The following PDE8B variants were observed in gnomAD, a reference collection of about 807,000 sequenced individuals.
PDE8B encodes the protein phosphodiesterase 8B.
A neutral mutation model predicts 101.3 loss-of-function variants in PDE8B; 26 were observed. The observed-to-expected ratio is 0.26, with a 90% CI of 0.19 to 0.36. The LOEUF (loss-of-function observed/expected upper bound fraction) is 0.36. Among genes scored for constraint, PDE8B ranks in the 10% least tolerant of loss-of-function variants. The pLI is 1.00. For missense variants in PDE8B, 810 were observed against 1,163.1 expected, an observed-to-expected ratio of 0.70 and a Z score of 4.42; for synonymous variants, 424 against 429.3, an observed-to-expected ratio of 0.99 and a Z score of 0.15.
intron 7 of PDE8B, among the ~76,000 whole-genome samples, chr5:77,345,794 T>A (rs1402923756): frequency 2.0e-5 from 3 of 152,138 alleles, no homozygotes; most frequent in Non-Finnish European, 2.9e-5. Flanking sequence ...CAGAGTGGCA[T>A]GGAGTGTGAG....
At chr5:77,198,347 C>G in the PDE8B span, among the ~76,000 whole-genome samples, 1 of 152,116 alleles carries the variant, frequency 6.6e-6, no homozygotes, top group Non-Finnish European at 1.5e-5. Flanking sequence ...CACTCTGTTT[C>G]TGGTCTAAGG....
intron 10 of PDE8B, among the ~76,000 whole-genome samples, chr5:77,359,185 G>A (rs922533823): frequency 6.6e-6 from 1 of 152,196 alleles, no homozygotes; most frequent in Non-Finnish European, 1.5e-5. Flanking sequence ...GTAGGATTCT[G>A]TGTTTGAGAA....
chr5:77,267,478 C>A (rs531724051), intron 1 of PDE8B, among the ~76,000 whole-genome samples: 1 of 150,232 alleles, frequency 6.7e-6, no homozygotes, highest in South Asian at 2.1e-4. Flanking sequence ...TTGCATTGCA[C>A]AATGGGTTGA....
chr5:77,259,792 C>T (rs1475156482), intron 1 of PDE8B, among the ~76,000 whole-genome samples: 1 of 152,212 alleles, frequency 6.6e-6, no homozygotes, highest in Admixed American at 6.5e-5. Context: ...AGATGAGTCT[C>T]TATAGTGTGG....
the PDE8B span, among the ~76,000 whole-genome samples, chr5:77,142,644 A>G: frequency 1.3e-5 from 2 of 152,160 alleles, no homozygotes; most frequent in Non-Finnish European, 2.9e-5. Flanking sequence ...TCTGTGATTC[A>G]GAAAGGGGGA....
chr5:77,098,031 A>G, the PDE8B span, among the ~76,000 whole-genome samples: 1 of 140,900 alleles, frequency 7.1e-6, no homozygotes, highest in African/African-American at 2.4e-5. Context: ...CCTAAATGCA[A>G]TGGCTAAGAC....
chr5:77,340,846 A>G (rs1301749547), intron 6 of PDE8B, among the ~76,000 whole-genome samples: 1 of 152,072 alleles, frequency 6.6e-6, no homozygotes, highest in African/African-American at 2.4e-5. Context: ...TATATTATTT[A>G]TAGACTTTAT....
rs750678563 is a variant in PDE8B at position 77,413,141 on chromosome 5, C to T, written c.1743C>T (p.Phe581=). 144 of 1,613,976 alleles carry T rather than the reference C, an allele frequency of 8.9e-5. No homozygotes were observed. The highest frequency in any genetic ancestry group is 1.2e-4 in the Non-Finnish European group (141 of 1,179,994). ...RPLVYLGLKV[F]SRFGVCEFLN... is the part of the protein sequence containing the mutation. ...TGGTTTATCTGGGCTTAAAGGTCTTCTCTCGGTTTGGAGTATGTGAATTTT... is the reference window on the plus strand; with the variant it reads ...TGGTTTATCTGGGCTTAAAGGTCTTTTCTCGGTTTGGAGTATGTGAATTTT... The change falls in exon 17 of 22, where the codon TTC becomes TTT. Residue 581 remains phenylalanine (F), a synonymous_variant. Transcript: ENST00000264917.
intron 1 of PDE8B, chr5:77,291,375 G>A (rs1767302938): frequency 1.2e-6 from 2 of 1,611,970 alleles, no homozygotes; most frequent in African/African-American, 2.7e-5. Context: ...AGTGGTCTAT[G>A]GGGGCAAGGT....
intron 20 of PDE8B, among the ~76,000 whole-genome samples, chr5:77,423,411 AT>A (rs1270577552): frequency 6.6e-6 from 1 of 152,006 alleles, no homozygotes; most frequent in East Asian, 1.9e-4. Context: ...AGCAATTTCT[AT>A]TTTTAGTTCT....
At chr5:77,223,599 G>A (rs1027134228) in intron 1 of PDE8B, among the ~76,000 whole-genome samples, 2 of 152,006 alleles carry the variant, frequency 1.3e-5, no homozygotes, top group African/African-American at 4.8e-5. Flanking sequence ...AACTTGACAA[G>A]CATAGCACAG....
At chr5:77,403,165 C>T (rs985574682) in intron 11 of PDE8B, among the ~76,000 whole-genome samples, 4 of 152,142 alleles carry the variant, frequency 2.6e-5, no homozygotes, top group Non-Finnish European at 5.9e-5. Context: ...TCTCGGCGCT[C>T]ACTGGTGGCA....
intron 1 of PDE8B, chr5:77,290,737 T>C (rs1767116651): frequency 6.7e-7 from 1 of 1,492,752 alleles, no homozygotes; most frequent in East Asian, 2.3e-5. Flanking sequence ...TGGAATCCTG[T>C]AGGCCTGGTT....
chr5:77,389,074 A>G (rs183935733), intron 10 of PDE8B, among the ~76,000 whole-genome samples: 2 of 151,924 alleles, frequency 1.3e-5, no homozygotes, highest in African/African-American at 4.8e-5. Flanking sequence ...TTTCCAGGAG[A>G]GTGAGTGGTT....
chr5:77,319,579 T>C (rs1209410445), intron 2 of PDE8B, among the ~76,000 whole-genome samples: 1 of 152,182 alleles, frequency 6.6e-6, no homozygotes, highest in East Asian at 1.9e-4. Context: ...AGAGGAGAAA[T>C]AGTTGACTGT....
chr5:77,217,851 C>G (rs942449398), intron 1 of PDE8B, among the ~76,000 whole-genome samples: 2 of 152,132 alleles, frequency 1.3e-5, no homozygotes, highest in African/African-American at 4.8e-5. Context: ...CACTACTTTT[C>G]AACAAGTTGT....
At chr5:77,306,704 AAG>A (rs1771294343) in intron 1 of PDE8B, among the ~76,000 whole-genome samples, 1 of 152,216 alleles carries the variant, frequency 6.6e-6, no homozygotes, top group Non-Finnish European at 1.5e-5. Flanking sequence ...TGAAACTATT[AAG>A]AGCTGCAGCA....
chr5:77,313,291 GA>G (rs201157938), intron 2 of PDE8B, among the ~76,000 whole-genome samples: 2,132 of 147,438 alleles, frequency 0.014, 23 homozygotes, highest in Admixed American at 0.02. Context: ...GCAAATCTAG[GA>G]AAGGAAAAAA....
At chr5:77,258,777 G>A (rs1330427949) in intron 1 of PDE8B, among the ~76,000 whole-genome samples, 1 of 151,994 alleles carries the variant, frequency 6.6e-6, no homozygotes, top group Non-Finnish European at 1.5e-5. Flanking sequence ...GTGCTCCTAC[G>A]CTTCCTTCAG....
Sources: allele counts gnomAD v4.1 joint callset (sites outside exome capture counted in the v4.1 genomes callset), GRCh38; gene constraint gnomAD v4.1.1; transcripts MANE v1.5; gene names NCBI Gene and HGNC (gene_info 2026-07-23, HGNC 2026-07-21).